TMEM129: variants seen among roughly 807,000 people sequenced by gnomAD.
The protein encoded by TMEM129 is transmembrane protein 129, E3 ubiquitin ligase, also known as E3 ubiquitin-protein ligase TM129.
Under a neutral mutation model 34.1 loss-of-function variants are expected in TMEM129, and 35 were observed. The observed-to-expected ratio is 1.03, with a 90% confidence interval of 0.78 to 1.36. The LOEUF (loss-of-function observed/expected upper bound fraction) is 1.36, where lower values mean the gene tolerates loss of function less well. TMEM129 is among the 40% of genes most tolerant of loss of function. The pLI is 0.00. For synonymous variants in TMEM129, 239 were observed against 217.3 expected (o/e 1.10, Z -0.88); for missense variants, 504 against 512.6 (o/e 0.98, Z 0.16).
chr4:1,720,887 G>T lies in TMEM129; in HGVS notation c.-50C>A. 1 of 1,526,250 alleles carries T rather than the reference G, an allele frequency of 6.6e-7. No homozygotes were observed. Among genetic ancestry groups the T allele is most frequent in the Non-Finnish European group, 8.8e-7 (1 of 1,132,898 alleles). The allele number at this position is 1,526,250 out of a possible 1,614,324, so 94.5% of individuals were successfully genotyped here. A position where few individuals can be genotyped will look rare whatever the true frequency, so the allele number is the denominator to read the frequency against. ...AGCTAGGCCCCCGCCCCGGCGCGCG[G>T]ACGAGGCCGCAGCGCCCAGTCCCGG... On this transcript the variant is annotated 5_prime_UTR_variant, in exon 1 of 4. Coordinates refer to ENST00000382936, the MANE Select transcript of TMEM129 (RefSeq NM_001127266.2). The surrounding 1 kb of genome is among the most constrained non-coding windows in gnomAD (Gnocchi z 4.4).
intron 1 of TMEM129, among the ~76,000 whole-genome samples, chr4:1,719,566 T>C (rs1717167403): frequency 6.6e-6 from 1 of 152,186 alleles, no homozygotes; most frequent in Non-Finnish European, 1.5e-5. Context: ...CTAATAAAGC[T>C]TGAAAACTTT....
chr4:1,718,052 C>T, intron 2 of TMEM129, 100 bp downstream of exon 2: 1 of 1,153,020 alleles, frequency 8.7e-7, no homozygotes, highest in Non-Finnish European at 1.2e-6. Context: ...TGTTGGAGTC[C>T]ACACCAGCTA....
rs1194531850 is a variant in TMEM129, at chr4:1,717,185, G to A, written c.1084C>T (p.Arg362Cys). Residue 362 changes from arginine to cysteine, a missense_variant, in exon 4 of 4, where the codon CGC becomes TGC. Coordinates refer to ENST00000382936, the MANE Select transcript of TMEM129 (RefSeq NM_001127266.2). The stretch of plus-strand genomic sequence containing the variant: ...ACCTCAAGGCCCCAGCCCACTCAGC[G>A]CACGGTGCACACATCCAGGATGCAG... ...RFCILDVCTV[R>C] 11 of 1,452,122 alleles carry A rather than the reference G, an allele frequency of 7.6e-6. No individual in the cohort carries two copies. In the East Asian group the frequency reaches 7.6e-5, roughly 10 times the overall value. The allele number at this position is 1,452,122 out of a possible 1,614,324, so 90.0% of individuals were successfully genotyped here.
In TMEM129 at chr4:1,720,398, A is replaced by G. The variant is rs11931848; in HGVS notation, c.205+235T>C. On this transcript the variant is annotated intron_variant, in intron 1 of 3. Coordinates refer to ENST00000382936, the MANE Select transcript of TMEM129 (RefSeq NM_001127266.2). The surrounding 1 kb of genome is among the most constrained non-coding windows in gnomAD (Gnocchi z 4.4). ...GACGGTTCAGGACTTGGTGGGCCGG[A>G]GCATCCCTTGCCCAAGGTTCTGAAC... 0.02 allele frequency among the ~76,000 whole-genome samples: 3,012 copies of G among 152,330 alleles called. 96 individuals carry two copies. Among genetic ancestry groups the G allele is most frequent in the African/African-American group, 0.069 (2,865 of 41,562 alleles).
At position 1,720,789 on chromosome 4, in the gene TMEM129, C is replaced by T; in HGVS notation, c.49G>A (p.Val17Met). The T allele has an allele frequency of 1.3e-6, 2 of 1,595,290 alleles. No homozygotes were observed. Among genetic ancestry groups the T allele is most frequent in the South Asian group, 2.3e-5 (2 of 88,224 alleles). The part of the protein sequence containing the change: ...TFTLAYLVFA[V>M]CFVFTPNEFH... ...TCGTTGGGCGTGAACACGAAGCACA[C>T]GGCGAACACCAGATAGGCGAGAGTG... Residue 17 changes from valine to methionine, a missense_variant, in exon 1 of 4, where the codon GTG (valine) becomes ATG (methionine). By Grantham distance (21) the Val-to-Met change is conservative. Coordinates refer to ENST00000382936, the MANE Select transcript of TMEM129 (RefSeq NM_001127266.2). This position sits in a 1 kb window ranked among gnomAD's most constrained non-coding sequence, Gnocchi z 4.4.
rs543617334 is a variant in TMEM129, at chr4:1,720,544, G to A, written c.205+89C>T. Reference sequence around the variant, plus strand: ...CCAGCTGCGCCCAGGCGCTTTCGGGGCCTCGGGGAGCTGGCGGAGGCCTCC... The same window carrying A: ...CCAGCTGCGCCCAGGCGCTTTCGGGACCTCGGGGAGCTGGCGGAGGCCTCC... On this transcript the variant is annotated intron_variant, in intron 1 of 3. Coordinates refer to ENST00000382936, the MANE Select transcript of TMEM129 (RefSeq NM_001127266.2). The surrounding 1 kb of genome is among the most constrained non-coding windows in gnomAD (Gnocchi z 4.4). 1.6e-4 allele frequency: 234 copies of A among 1,428,922 alleles called. No homozygotes were observed. The African/African-American group carries it at 2.3e-3, about 14-fold the overall frequency. The allele number at this position is 1,428,922 out of a possible 1,614,324, so 88.5% of individuals were successfully genotyped here.
At position 1,716,999 on chromosome 4, in the gene TMEM129, T is replaced by C. The variant is rs1467232302; in HGVS notation, c.*181A>G. 5 of 754,202 alleles carry C rather than the reference T, an allele frequency of 6.6e-6. No homozygotes were observed. The African/African-American group carries it at 9.0e-5, about 14-fold the overall frequency. The allele number at this position is 754,202 out of a possible 1,614,324, so 46.7% of individuals were successfully genotyped here. On this transcript the variant is annotated 3_prime_UTR_variant, in exon 4 of 4. Coordinates refer to ENST00000382936, the MANE Select transcript of TMEM129 (RefSeq NM_001127266.2). The stretch of plus-strand genomic sequence containing the variant: ...CTGGCTGCCAAGCAGGGTGGGGTGT[T>C]TTCATGAGGATTGCTTTTAACCAAA...
chr4:1,719,872 TG>T (rs1261189736), intron 1 of TMEM129, among the ~76,000 whole-genome samples: 1 of 152,178 alleles, frequency 6.6e-6, no homozygotes, highest in Non-Finnish European at 1.5e-5. Context: ...CCCAGGCAGC[TG>T]CATCCTCAAA....
In TMEM129 at chr4:1,718,176, G is replaced by A; in HGVS notation, c.656C>T (p.Pro219Leu). The A allele has an allele frequency of 6.3e-7, 1 of 1,576,964 alleles. No individual in the cohort carries two copies. The highest frequency in any genetic ancestry group is 8.6e-7 in the Non-Finnish European group (1 of 1,161,794). ...CCAGATGTCAAAGGCCTGCACAGCA[G>A]GGTTGGTGCTGGCCACACGGATGGT... ...LLTIRVASTN[P>L]AVQAFDIWLN... The change falls in exon 2 of 4, where the codon CCT (proline) becomes CTT (leucine). Residue 219 changes from proline (P) to leucine (L), a missense_variant. Transcript: ENST00000382936.
At position 1,718,149 on chromosome 4, in the gene TMEM129, T is replaced by C. The variant is rs1389764443; in HGVS notation, c.680+3A>G. 3.2e-6 allele frequency: 5 copies of C among 1,546,382 alleles called. No homozygotes were observed. In the Admixed American group the frequency reaches 9.6e-5, roughly 30 times the overall value. ...CGCAGCCCCACAGGCACCACACTCT[T>C]ACCAGATGTCAAAGGCCTGCACAGC... is the stretch of plus-strand genomic sequence containing the variant. On this transcript the variant is annotated splice_donor_region_variant and intron_variant, in intron 2 of 3. Transcript: ENST00000382936.
Position 1,718,392 on chromosome 4 carries a change from G to A in TMEM129, c.440C>T (p.Thr147Ile). 6.2e-7 allele frequency: 1 copy of A among 1,609,674 alleles called. No homozygotes were observed. The change falls in exon 2 of 4, where the codon ACT (threonine) becomes ATT (isoleucine). Residue 147 changes from threonine (T) to isoleucine (I), a missense_variant. Coordinates refer to ENST00000382936, the MANE Select transcript of TMEM129 (RefSeq NM_001127266.2). The part of the protein sequence containing the change: ...GWQAVASSVN[T>I]EFRRIDKFAT... ...AAACTTGTCAATCCGCCGGAACTCA[G>A]TGTTGACAGAGGAGGCAACAGCCTG...
chr4:1,719,794 C>T (rs1202626438), intron 1 of TMEM129, among the ~76,000 whole-genome samples: 1 of 152,184 alleles, frequency 6.6e-6, no homozygotes, highest in African/African-American at 2.4e-5. Flanking sequence ...AAGTGGGCCC[C>T]CAGCCCACCC....
chr4:1,716,879 G>C lies in TMEM129; in HGVS notation c.*301C>G, dbSNP rs56215097. The C allele has an allele frequency of 0.018, 6,242 of 356,408 alleles. 79 individuals are homozygous for C. Among genetic ancestry groups the C allele is most frequent in the Middle Eastern group, 0.026 (36 of 1,396 alleles). The allele number at this position is 356,408 out of a possible 1,614,324, so 22.1% of individuals were successfully genotyped here. ...ACCCAGGGTCTCCAGGGAATGGCTC[G>C]GGGGCAGACGCTGTGTCTGTGTGTG... On this transcript the variant is annotated 3_prime_UTR_variant, in exon 4 of 4. Coordinates refer to ENST00000382936, the MANE Select transcript of TMEM129 (RefSeq NM_001127266.2).
In TMEM129 at chr4:1,720,814, GA is replaced by G; in HGVS notation, c.23del (p.Phe8SerfsTer94). 6.3e-7 allele frequency: 1 copy of G among 1,592,788 alleles called. No individual in the cohort carries two copies. Among genetic ancestry groups the G allele is most frequent in the South Asian group, 1.1e-5 (1 of 87,974 alleles). On this transcript the variant is annotated frameshift_variant, in exon 1 of 4. Coordinates refer to ENST00000382936, the MANE Select transcript of TMEM129 (RefSeq NM_001127266.2). LOFTEE classifies it high-confidence loss of function. This position sits in a 1 kb window ranked among gnomAD's most constrained non-coding sequence, Gnocchi z 4.4. MDSPEVTFTLAYLVFAVC... is the reference protein window; with the variant it reads MDSPEVTXTLAYLVFAVC... ...CGGCGAACACCAGATAGGCGAGAGTGAAGGTCACCTCGGGGCTGTCCATCGC... is the reference window on the plus strand; with the variant it reads ...CGGCGAACACCAGATAGGCGAGAGTGAGGTCACCTCGGGGCTGTCCATCGC...
chr4:1,717,737 C>A, intron 2 of TMEM129, 62 bp from the exon 3 acceptor site: 1 of 1,453,448 alleles, frequency 6.9e-7, no homozygotes. Context: ...ATGGAGGCTA[C>A]ACCCCAAGGA....
At position 1,717,251 on chromosome 4, in the gene TMEM129, G is replaced by A. The variant is rs769701981; in HGVS notation, c.1018C>T (p.Leu340=). Residue 340 remains leucine, a synonymous_variant, in exon 4 of 4, where the codon CTG becomes TTG. Transcript: ENST00000382936. The part of the protein sequence containing the change: ...RQDPLRPDTW[L]ASRVPCPTCR... Reference sequence around the variant, plus strand: ...GTGGGGCAGGGCACGCGGCTGGCCAGCCAGGTGTCAGGGCGCAGGGGGTCC... The same window carrying A: ...GTGGGGCAGGGCACGCGGCTGGCCAACCAGGTGTCAGGGCGCAGGGGGTCC... 2.8e-5 allele frequency: 42 copies of A among 1,520,200 alleles called. No homozygotes were observed. The highest frequency in any genetic ancestry group is 1.4e-5 in the African/African-American group (1 of 72,612). The allele number at this position is 1,520,200 out of a possible 1,614,324, so 94.2% of individuals were successfully genotyped here.
Position 1,720,606 on chromosome 4 carries a change from G to GCGGC in TMEM129, c.205+23_205+26dup, listed in dbSNP as rs1717260547. The GCGGC allele has an allele frequency of 6.5e-7, 1 of 1,528,136 alleles. No individual in the cohort carries two copies. The highest frequency in any genetic ancestry group is 8.8e-7 in the Non-Finnish European group (1 of 1,141,594). 94.7% of individuals were successfully genotyped at this position (1,528,136 alleles called of 1,614,324 possible). ...CAGCAAGCCCTGCGCAGGAGAGGAT[G>GCGGC]CGGCCGGCCGGCCCGAGCAGCCTCA... On this transcript the variant is annotated intron_variant, in intron 1 of 3. Transcript: ENST00000382936. The surrounding 1 kb of genome is among the most constrained non-coding windows in gnomAD (Gnocchi z 4.4).
rs1717212828 is a variant in TMEM129, at chr4:1,720,101, A to T, written c.205+532T>A. Among the ~76,000 whole-genome samples the T allele has an allele frequency of 6.6e-6, 1 of 151,728 alleles. No individual in the cohort carries two copies. The highest frequency in any genetic ancestry group is 2.4e-5 in the African/African-American group (1 of 41,228). On this transcript the variant is annotated intron_variant, in intron 1 of 3. Transcript: ENST00000382936. This position sits in a 1 kb window ranked among gnomAD's most constrained non-coding sequence, Gnocchi z 4.4. ...GAGCCCCAGCTAGCACCTGGGGCCC[A>T]GCCCAGCACCCCCCTGGACAACTCT...
chr4:1,720,678 G>GC lies in TMEM129; in HGVS notation c.159dup (p.Arg54AlafsTer38). ...CACAACAGCGTGGCGGCCGTGCGGCGCAAGTGGAAGGGCACGAAGGCGGCG... is the reference window on the plus strand; with the variant it reads ...CACAACAGCGTGGCGGCCGTGCGGCGCCAAGTGGAAGGGCACGAAGGCGGCG... On this transcript the variant is annotated frameshift_variant, in exon 1 of 4. Transcript: ENST00000382936. LOFTEE classifies it high-confidence loss of function. This position sits in a 1 kb window ranked among gnomAD's most constrained non-coding sequence, Gnocchi z 4.4. 1.3e-6 allele frequency: 2 copies of GC among 1,550,270 alleles called. No individual in the cohort carries two copies. The highest frequency in any genetic ancestry group is 1.7e-6 in the Non-Finnish European group (2 of 1,148,618).
Sources: allele counts gnomAD v4.1 joint callset (sites outside exome capture counted in the v4.1 genomes callset), GRCh38; gene constraint gnomAD v4.1.1; non-coding constraint Gnocchi (gnomAD v3.1); transcripts MANE v1.5; gene names NCBI Gene and HGNC (gene_info 2026-07-23, HGNC 2026-07-21).